Variants in PDE1A observed in about 807,000 individuals in gnomAD.
PDE1A encodes phosphodiesterase 1A.
A neutral mutation model predicts 61.7 loss-of-function variants in PDE1A; 35 were observed. The ratio of observed to expected loss-of-function variants is 0.57; its 90% confidence interval spans 0.43 to 0.75. The LOEUF (loss-of-function observed/expected upper bound fraction) is 0.75. Ranked by LOEUF, PDE1A falls within the 30% of genes least tolerant of loss-of-function variation. The pLI, the probability that PDE1A is intolerant of heterozygous loss-of-function variation, is 0.00. For missense variants in PDE1A, 597 were observed against 630.6 expected, an observed-to-expected ratio of 0.95 and a Z score of 0.57; for synonymous variants, 232 against 213.2, an observed-to-expected ratio of 1.09 and a Z score of -0.77.
At chr2:182,498,002 C>T (rs540168147) in intron 2 of PDE1A, among the ~76,000 whole-genome samples, 43 of 146,468 alleles carry the variant, frequency 2.9e-4, no homozygotes, top group Admixed American at 1.8e-3. Context: ...GCCGAGATCG[C>T]GCCACTGCAC....
intron 1 of PDE1A, among the ~76,000 whole-genome samples, chr2:182,416,221 T>C (rs1346360739): frequency 6.6e-6 from 1 of 152,222 alleles, no homozygotes; most frequent in East Asian, 1.9e-4. Context: ...CATGGCATTA[T>C]TCGTAGATGT....
chr2:182,245,792 A>C (rs866163385), intron 2 of PDE1A, among the ~76,000 whole-genome samples: 6 of 152,352 alleles, frequency 3.9e-5, no homozygotes, highest in Non-Finnish European at 7.4e-5. Context: ...ACAATTATGA[A>C]TAAAGCTCCT....
the PDE1A span, among the ~76,000 whole-genome samples, chr2:182,531,519 T>A: frequency 1.3e-5 from 2 of 152,240 alleles, no homozygotes; most frequent in South Asian, 4.2e-4. Flanking sequence ...TTTAAGTTCA[T>A]TAAGAAGATA....
At chr2:182,250,512 C>T (rs1429983958) in intron 2 of PDE1A, among the ~76,000 whole-genome samples, 1 of 152,048 alleles carries the variant, frequency 6.6e-6, no homozygotes, top group Non-Finnish European at 1.5e-5. Context: ...CTGTTTTGTT[C>T]CAAAAAGTAT....
chr2:182,638,287 C>G, the PDE1A span, among the ~76,000 whole-genome samples: 2 of 151,962 alleles, frequency 1.3e-5, no homozygotes, highest in Non-Finnish European at 2.9e-5. Context: ...ACCTGTAATC[C>G]CAGCACTTTG....
chr2:182,152,891 T>A (rs1241144514), intron 13 of PDE1A, among the ~76,000 whole-genome samples: 1 of 152,136 alleles, frequency 6.6e-6, no homozygotes, highest in Non-Finnish European at 1.5e-5. Flanking sequence ...ATGTGCTAGC[T>A]CCAACCCTGT....
chr2:182,538,107 G>C, the PDE1A span, among the ~76,000 whole-genome samples: 1 of 152,100 alleles, frequency 6.6e-6, no homozygotes, highest in Non-Finnish European at 1.5e-5. Flanking sequence ...AGGTCTTTGA[G>C]ACTACTTTTC....
chr2:182,141,192 C>T (rs1690213995), exon 15 of PDE1A: 1 of 152,042 alleles, frequency 6.6e-6, no homozygotes. Flanking sequence ...TATAGCTTTA[C>T]TGAAAGACAA....
rs530162466 is a variant in PDE1A at position 182,515,400 on chromosome 2, T to A, written c.101+6876A>T. 5.3e-5 allele frequency among the ~76,000 whole-genome samples: 8 copies of A among 152,280 alleles called. No homozygotes were observed. The South Asian group carries it at 1.7e-3, about 32-fold the overall frequency. On this transcript the variant is annotated intron_variant, in intron 2 of 14. Transcript: ENST00000410103. ...TAATGGATTTTACAAATAAGAAAAG[T>A]GAAGTTTAGGTAAATTAATAACTTT... is the stretch of plus-strand genomic sequence containing the variant.
chr2:182,144,960 CCT>C (rs1204059471), downstream of PDE1A, among the ~76,000 whole-genome samples: 1 of 152,082 alleles, frequency 6.6e-6, no homozygotes, highest in African/African-American at 2.4e-5. Context: ...TGTGCTGTGT[CCT>C]CTCTGTTTCC....
chr2:182,696,383 A>G, the PDE1A span, among the ~76,000 whole-genome samples: 1 of 152,214 alleles, frequency 6.6e-6, no homozygotes, highest in African/African-American at 2.4e-5. Flanking sequence ...ATACTGTATG[A>G]TTCCAACTAC....
intron 13 of PDE1A, among the ~76,000 whole-genome samples, chr2:182,154,874 C>A (rs1690982143): frequency 6.6e-6 from 1 of 152,074 alleles, no homozygotes; most frequent in African/African-American, 2.4e-5. Context: ...GAAGGATCTA[C>A]TTTCAATGTG....
At chr2:182,592,931 C>T in the PDE1A span, among the ~76,000 whole-genome samples, 1 of 152,092 alleles carries the variant, frequency 6.6e-6, no homozygotes, top group Non-Finnish European at 1.5e-5. Flanking sequence ...GACGAGGTGA[C>T]CCAGAGGCCT....
intron 1 of PDE1A, among the ~76,000 whole-genome samples, chr2:182,314,765 G>T (rs999708582): frequency 1.3e-5 from 2 of 151,880 alleles, no homozygotes; most frequent in East Asian, 3.8e-4. Flanking sequence ...ATCTTGATTG[G>T]AGTAGTAATT....
intron 6 of PDE1A, among the ~76,000 whole-genome samples, chr2:182,228,716 A>G (rs973248534): frequency 2.0e-5 from 3 of 152,128 alleles, no homozygotes; most frequent in Admixed American, 6.6e-5. Context: ...CCCTTTCTCC[A>G]TCTATGGTAA....
the PDE1A span, among the ~76,000 whole-genome samples, chr2:182,551,101 G>A: frequency 4.6e-5 from 7 of 151,344 alleles, no homozygotes; most frequent in South Asian, 2.1e-4. Flanking sequence ...TCTGTCTGGC[G>A]GAAACAAATG....
At chr2:182,535,149 A>T in the PDE1A span, among the ~76,000 whole-genome samples, 1 of 151,982 alleles carries the variant, frequency 6.6e-6, no homozygotes, top group African/African-American at 2.4e-5. Context: ...GTCTATTTTT[A>T]TGTAAGTCCT....
At chr2:182,516,743 A>AGGAAGGAAGGAAGGAAGGAAGGAG (rs57365248) in intron 2 of PDE1A, among the ~76,000 whole-genome samples, 2 of 121,702 alleles carry the variant, frequency 1.6e-5, no homozygotes, top group Non-Finnish European at 3.5e-5. Flanking sequence ...GAAGGAAGGA[A>AGGAAGGAAGGAAGGAAGGAAGGAG]AAAGAGAGAA....
intron 13 of PDE1A, among the ~76,000 whole-genome samples, chr2:182,152,499 C>A (rs138480538): frequency 7.1e-6 from 1 of 140,226 alleles, no homozygotes; most frequent in Non-Finnish European, 1.5e-5. Context: ...TGGCTCACTG[C>A]AACCTCTGCC....
Sources: gnomAD v4.1 joint callset for allele counts (sites outside exome capture counted in the v4.1 genomes callset) on GRCh38, gnomAD v4.1.1 for gene constraint, MANE v1.5 for transcripts, NCBI Gene and HGNC (gene_info 2026-07-23, HGNC 2026-07-21) for gene names.